LRRC37A2: variants seen among roughly 807,000 people sequenced by gnomAD.
The protein encoded by LRRC37A2 is leucine rich repeat containing 37 member A2, also known as leucine-rich repeat-containing protein 37A2.
A neutral mutation model predicts 68.8 loss-of-function variants in LRRC37A2; 9 were observed. The observed-to-expected ratio is 0.13, with a 90% CI of 0.08 to 0.23. The LOEUF (loss-of-function observed/expected upper bound fraction) is 0.23, where lower values mean the gene tolerates loss of function less well. Among genes scored for constraint, LRRC37A2 ranks in the 10% least tolerant of loss-of-function variants. LRRC37A2 has a pLI of 1.00. For synonymous variants in LRRC37A2, 63 were observed against 367.6 expected, an observed-to-expected ratio of 0.17 and a Z score of 9.48; for missense variants, 168 against 950.4, an observed-to-expected ratio of 0.18 and a Z score of 10.82.
the LRRC37A2 span, among the ~76,000 whole-genome samples, chr17:46,583,351 G>C: frequency 1.3e-5 from 1 of 76,264 alleles, no homozygotes; most frequent in Non-Finnish European, 3.6e-5. Flanking sequence ...GCTGGAGTGC[G>C]GTGGCACAAC....
the LRRC37A2 span, among the ~76,000 whole-genome samples, chr17:47,009,129 T>C: frequency 1.4e-4 from 21 of 150,802 alleles, 1 homozygote; most frequent in South Asian, 4.4e-3. Flanking sequence ...TGATATTCCA[T>C]CTCAAAAAAA....
the LRRC37A2 span, among the ~76,000 whole-genome samples, chr17:46,957,338 C>T: frequency 3.3e-5 from 5 of 152,136 alleles, no homozygotes; most frequent in African/African-American, 4.8e-5. Flanking sequence ...CCAGGCTAAG[C>T]GCTGTGGCTC....
At chr17:47,013,104 A>G in the LRRC37A2 span, among the ~76,000 whole-genome samples, 6 of 152,360 alleles carry the variant, frequency 3.9e-5, no homozygotes, top group Middle Eastern at 3.4e-3. Context: ...GCCAGATACA[A>G]AATGCCATGT....
chr17:46,549,099 A>G (rs750471525), exon 10 of LRRC37A2: 7 of 1,611,922 alleles, frequency 4.3e-6, no homozygotes, highest in Non-Finnish European at 5.9e-6. Context: ...GAACACCCAA[A>G]GTCAAAAAGA....
At chr17:46,501,474 C>T in the LRRC37A2 span, among the ~76,000 whole-genome samples, 2 of 151,270 alleles carry the variant, frequency 1.3e-5, no homozygotes, top group Admixed American at 6.6e-5. Flanking sequence ...CACGCCTGAC[C>T]ATATATTTAC....
the LRRC37A2 span, chr17:46,721,756 G>C: frequency 2.0e-5 from 32 of 1,602,910 alleles, 1 homozygote; most frequent in Admixed American, 4.5e-4. Flanking sequence ...CCACAATTTC[G>C]CTTGGGAAGA....
the LRRC37A2 span, chr17:46,910,277 C>A: frequency 2.0e-5 from 3 of 152,346 alleles, no homozygotes; most frequent in South Asian, 6.2e-4. Context: ...ACAGGATCTC[C>A]TGCATGCTCA....
the LRRC37A2 span, chr17:46,916,937 G>C: frequency 6.6e-6 from 1 of 152,166 alleles, no homozygotes; most frequent in Non-Finnish European, 1.5e-5. Flanking sequence ...GTCCACTCCT[G>C]TAGTAACAAC....
the LRRC37A2 span, among the ~76,000 whole-genome samples, chr17:46,902,392 G>T: frequency 2.0e-5 from 3 of 152,076 alleles, no homozygotes; most frequent in African/African-American, 7.2e-5. Context: ...GCAATGTGCT[G>T]AAACTTACTT....
chr17:46,837,710 G>T, the LRRC37A2 span, among the ~76,000 whole-genome samples: 2 of 152,162 alleles, frequency 1.3e-5, no homozygotes, highest in African/African-American at 2.4e-5. Flanking sequence ...CTGGGGGAAG[G>T]TTTGGAGGGA....
At chr17:46,475,020 A>C in the LRRC37A2 span, among the ~76,000 whole-genome samples, 1 of 137,946 alleles carries the variant, frequency 7.2e-6, no homozygotes, top group Non-Finnish European at 1.6e-5. Flanking sequence ...CAGTTTGCAG[A>C]ATTCTGAGAA....
At chr17:46,726,469 T>C in the LRRC37A2 span, 3 of 1,284,090 alleles carry the variant, frequency 2.3e-6, no homozygotes, top group Admixed American at 1.7e-5. Flanking sequence ...TTAGTATTGC[T>C]CAAGAAGTAA....
chr17:46,800,418 A>C, the LRRC37A2 span, among the ~76,000 whole-genome samples: 1 of 152,154 alleles, frequency 6.6e-6, no homozygotes, highest in African/African-American at 2.4e-5. Flanking sequence ...GCCTGATAAC[A>C]GAATTCCTAA....
the LRRC37A2 span, among the ~76,000 whole-genome samples, chr17:46,881,578 T>G: frequency 6.6e-6 from 1 of 152,138 alleles, no homozygotes; most frequent in Non-Finnish European, 1.5e-5. Context: ...TACACCATCC[T>G]CACCTCCTCC....
chr17:46,816,237 A>G, the LRRC37A2 span, among the ~76,000 whole-genome samples: 1 of 151,942 alleles, frequency 6.6e-6, no homozygotes, highest in Non-Finnish European at 1.5e-5. Flanking sequence ...ATGGGCAAAG[A>G]TACTTCTAGA....
chr17:46,822,799 C>T, the LRRC37A2 span, among the ~76,000 whole-genome samples: 2 of 152,016 alleles, frequency 1.3e-5, no homozygotes, highest in Admixed American at 1.3e-4. Context: ...CGCACTGGGG[C>T]ACCGCCAGAT....
the LRRC37A2 span, chr17:46,755,580 T>A: frequency 2.9e-6 from 2 of 684,970 alleles, no homozygotes; most frequent in Non-Finnish European, 4.9e-6. Flanking sequence ...CTTGTCACAA[T>A]GCAGGAAAAA....
the LRRC37A2 span, among the ~76,000 whole-genome samples, chr17:46,795,150 G>T: frequency 6.6e-6 from 1 of 151,976 alleles, no homozygotes; most frequent in Non-Finnish European, 1.5e-5. Context: ...TCCCACCCTC[G>T]GGTGCTGAGG....
At chr17:46,957,847 C>A in the LRRC37A2 span, among the ~76,000 whole-genome samples, 1 of 152,122 alleles carries the variant, frequency 6.6e-6, no homozygotes, top group African/African-American at 2.4e-5. Context: ...CCAGACATCT[C>A]CATGGAGGAG....
Sources: gnomAD v4.1 joint callset for allele counts (sites outside exome capture counted in the v4.1 genomes callset) on GRCh38, gnomAD v4.1.1 for gene constraint, MANE v1.5 for transcripts, NCBI Gene and HGNC (gene_info 2026-07-23, HGNC 2026-07-21) for gene names.